The following USP32 variants were observed in gnomAD, a reference collection of about 807,000 sequenced individuals.
The protein encoded by USP32 is ubiquitin carboxyl-terminal hydrolase 32.
A neutral mutation model predicts 204.8 loss-of-function variants in USP32; 59 were observed. That is an observed-to-expected ratio of 0.29 (90% CI 0.23 to 0.36). USP32 has a LOEUF of 0.36. Ranked by LOEUF, USP32 falls within the 10% of genes least tolerant of loss-of-function variation. The pLI is 1.00. For synonymous variants in USP32, 517 were observed against 678.4 expected, an observed-to-expected ratio of 0.76 and a Z score of 3.70; for missense variants, 1,160 against 1,946.4, an observed-to-expected ratio of 0.60 and a Z score of 7.60.
intron 16 of USP32, among the ~76,000 whole-genome samples, chr17:60,218,347 C>G (rs1470386013): frequency 6.6e-6 from 1 of 151,774 alleles, no homozygotes; most frequent in Non-Finnish European, 1.5e-5. Context: ...TCGTGCCACT[C>G]CACTTCAGCC....
At chr17:60,320,957 T>C (rs2145939880) in intron 2 of USP32, among the ~76,000 whole-genome samples, 1 of 152,244 alleles carries the variant, frequency 6.6e-6, no homozygotes, top group East Asian at 1.9e-4. Flanking sequence ...CATTGCTTTT[T>C]TTCCCCCATC....
intron 11 of USP32, among the ~76,000 whole-genome samples, chr17:60,248,795 A>G (rs1460075412): frequency 6.6e-6 from 1 of 152,180 alleles, no homozygotes; most frequent in Non-Finnish European, 1.5e-5. Context: ...TGCTAAGGAG[A>G]ACATCTGCTG....
chr17:60,191,194 G>C (rs1332686642), intron 28 of USP32, among the ~76,000 whole-genome samples: 1 of 152,030 alleles, frequency 6.6e-6, no homozygotes, highest in Non-Finnish European at 1.5e-5. Context: ...CTGAGGTCAG[G>C]AGGTCGAGAC....
At chr17:60,363,530 A>T (rs1029523664) in intron 1 of USP32, among the ~76,000 whole-genome samples, 2 of 150,680 alleles carry the variant, frequency 1.3e-5, no homozygotes, top group Non-Finnish European at 3.0e-5. Flanking sequence ...AAAAAAAAAA[A>T]TTTGAGACAG....
upstream of USP32, among the ~76,000 whole-genome samples, chr17:60,396,493 T>C (rs2089902130): frequency 6.6e-6 from 1 of 152,214 alleles, no homozygotes; most frequent in African/African-American, 2.4e-5. Flanking sequence ...CATTCTCTAA[T>C]CTGCAGTTAA....
chr17:60,352,931 T>C (rs1258474880), intron 1 of USP32, among the ~76,000 whole-genome samples: 1 of 152,238 alleles, frequency 6.6e-6, no homozygotes, highest in African/African-American at 2.4e-5. Flanking sequence ...TGATCTTTGA[T>C]GATTTCAAAG....
intron 1 of USP32, among the ~76,000 whole-genome samples, chr17:60,349,474 G>A (rs2088867045): frequency 6.7e-6 from 1 of 148,312 alleles, no homozygotes; most frequent in Non-Finnish European, 1.5e-5. Context: ...CAGTTACTCA[G>A]GTGGCTGAGG....
At chr17:60,299,523 C>T (rs1191511688) in intron 3 of USP32, among the ~76,000 whole-genome samples, 1 of 152,232 alleles carries the variant, frequency 6.6e-6, no homozygotes, top group Admixed American at 6.5e-5. Context: ...CCTGAGATAA[C>T]AGCATTCATT....
At chr17:60,309,495 G>C (rs572342834) in intron 2 of USP32, among the ~76,000 whole-genome samples, 1 of 151,836 alleles carries the variant, frequency 6.6e-6, no homozygotes, top group Non-Finnish European at 1.5e-5. Flanking sequence ...ACAGTTACTC[G>C]GGAGGCTGAG....
chr17:60,245,840 T>G (rs1244172462), intron 11 of USP32, among the ~76,000 whole-genome samples: 1 of 151,198 alleles, frequency 6.6e-6, no homozygotes, highest in Non-Finnish European at 1.5e-5. Context: ...TTAGTTCACC[T>G]TCTTTTTTTT....
At chr17:60,395,236 AT>A (rs2089893258), upstream of USP32, among the ~76,000 whole-genome samples, 1 of 152,184 alleles carries the variant, frequency 6.6e-6, no homozygotes, top group Admixed American at 6.5e-5. Flanking sequence ...AACTTTTAAG[AT>A]TTCCTCTTTA....
upstream of USP32, among the ~76,000 whole-genome samples, chr17:60,394,178 G>T (rs1182673699): frequency 6.6e-6 from 1 of 152,158 alleles, no homozygotes; most frequent in Non-Finnish European, 1.5e-5. Context: ...TCATTAGTTC[G>T]GTATAGAGAG....
intron 1 of USP32, among the ~76,000 whole-genome samples, chr17:60,377,720 T>TA (rs1325337018): frequency 1.3e-5 from 2 of 152,244 alleles, no homozygotes; most frequent in Non-Finnish European, 2.9e-5. Context: ...CATTTCCTCT[T>TA]AATTTATCCA....
chr17:60,257,036 A>T, intron 9 of USP32: 1 of 241,326 alleles, frequency 4.1e-6, no homozygotes. Flanking sequence ...CAGCTGTGAC[A>T]TAATGGAGTT....
Position 60,392,093 on chromosome 17 carries a change from G to A in USP32, c.-154C>T, listed in dbSNP as rs1331559472. ...AACAAGTGCGGCTTCTGCCCCGGCG[G>A]CTCCTCCCGGTCGCCGCCACCGCCT... On this transcript the variant is annotated 5_prime_UTR_variant, in exon 1 of 34. Transcript: ENST00000300896. 2.8e-5 allele frequency: 22 copies of A among 788,654 alleles called. No individual in the cohort carries two copies. In the Admixed American group the frequency reaches 3.6e-4, roughly 13 times the overall value. 48.9% of individuals were successfully genotyped at this position (788,654 alleles called of 1,614,324 possible). A position where few individuals can be genotyped will look rare whatever the true frequency, so the allele number is the denominator to read the frequency against.
chr17:60,366,742 A>C (rs1395732318), intron 1 of USP32, among the ~76,000 whole-genome samples: 2 of 151,852 alleles, frequency 1.3e-5, no homozygotes, highest in Non-Finnish European at 2.9e-5. Flanking sequence ...CTCAAAAAAA[A>C]GTTGGTTTTT....
intron 3 of USP32, among the ~76,000 whole-genome samples, chr17:60,295,585 A>G (rs2087407641): frequency 6.6e-6 from 1 of 152,212 alleles, no homozygotes; most frequent in Non-Finnish European, 1.5e-5. Flanking sequence ...TGGGACCTGA[A>G]TGATCCTGTT....
In USP32 at chr17:60,192,893, G is replaced by T. The variant is rs2084421499; in HGVS notation, c.3472C>A (p.Arg1158=). The T allele has an allele frequency of 6.2e-7, 1 of 1,613,824 alleles. No homozygotes were observed. Among genetic ancestry groups the T allele is most frequent in the South Asian group, 1.1e-5 (1 of 91,088 alleles). ...SMGYQYPFTL[R]VVQKDGNSCA... ...GAGTTCCCATCTTTCTGCACAACTC[G>T]TAGAGTGAATGGATATTGATAGCCC... The change falls in exon 28 of 34, where the codon CGA becomes AGA. Residue 1158 remains arginine (R), a synonymous_variant. Coordinates refer to ENST00000300896, the MANE Select transcript of USP32 (RefSeq NM_032582.4).
At chr17:60,315,401 C>T (rs946466595) in intron 2 of USP32, among the ~76,000 whole-genome samples, 24 of 151,936 alleles carry the variant, frequency 1.6e-4, no homozygotes, top group Admixed American at 6.6e-5. Flanking sequence ...AGTGAGACTC[C>T]ATCTCAAAAA....
Sources: gnomAD v4.1 joint callset for allele counts (sites outside exome capture counted in the v4.1 genomes callset) on GRCh38, gnomAD v4.1.1 for gene constraint, MANE v1.5 for transcripts, NCBI Gene and HGNC (gene_info 2026-07-23, HGNC 2026-07-21) for gene names.